FYB2: variants seen among roughly 807,000 people sequenced by gnomAD.
FYB2 encodes the protein FYN-binding protein 2.
In FYB2, 103 loss-of-function variants were observed where a neutral mutation model predicts 94.1. That is an observed-to-expected ratio of 1.09 (90% confidence interval 0.93 to 1.29). The LOEUF is 1.29. Among genes scored for constraint, FYB2 ranks in the 50% most tolerant of loss-of-function variants. FYB2 has a pLI of 0.00. For synonymous variants in FYB2, 293 were observed against 287.9 expected (o/e 1.02, Z -0.18); for missense variants, 896 against 841.5 (o/e 1.06, Z -0.80).
chr1:56,750,090 A>T (rs1251745729), intron 9 of FYB2, among the ~76,000 whole-genome samples: 14 of 152,142 alleles, frequency 9.2e-5, no homozygotes, highest in African/African-American at 3.4e-4. Flanking sequence ...CAGAAAAAAA[A>T]TACCAAATGG....
intron 1 of FYB2, among the ~76,000 whole-genome samples, chr1:56,798,081 C>A (rs1221688370): frequency 6.6e-6 from 1 of 152,088 alleles, no homozygotes; most frequent in Non-Finnish European, 1.5e-5. Flanking sequence ...CAGAAGTGAC[C>A]CACGAAATCC....
intron 1 of FYB2, among the ~76,000 whole-genome samples, chr1:56,818,974 G>A (rs184766996): frequency 6.6e-6 from 1 of 152,284 alleles, no homozygotes; most frequent in Admixed American, 6.5e-5. Flanking sequence ...GCGCTTCAAC[G>A]GAGGATCTGG....
At chr1:56,749,866 C>T (rs1005040361) in intron 9 of FYB2, among the ~76,000 whole-genome samples, 24 of 152,102 alleles carry the variant, frequency 1.6e-4, no homozygotes, top group Admixed American at 6.6e-4. Flanking sequence ...TGGTTACTGC[C>T]GGCCTGTGGG....
chr1:56,726,481 G>A lies in FYB2; in HGVS notation c.1880+16C>T, dbSNP rs201017181. The A allele has an allele frequency of 1.9e-6, 3 of 1,605,888 alleles. No individual in the cohort carries two copies. The highest frequency in any genetic ancestry group is 8.5e-7 in the Non-Finnish European group (1 of 1,175,188). ...GCAGCAGATAAGCTATAATAGAAGT[G>A]CCTCTGTGTTCCCACCTTTCTGATT... is the stretch of plus-strand genomic sequence containing the variant. On this transcript the variant is annotated intron_variant, in intron 16 of 19. Coordinates refer to ENST00000343433, the MANE Select transcript of FYB2 (RefSeq NM_001004303.5).
chr1:56,791,208 CGTTTT>C (rs1646255882), intron 2 of FYB2, among the ~76,000 whole-genome samples: 1 of 151,656 alleles, frequency 6.6e-6, no homozygotes, highest in South Asian at 2.1e-4. Flanking sequence ...TTCAATCTGG[CGTTTT>C]TCTTCTAGGT....
intron 5 of FYB2, among the ~76,000 whole-genome samples, chr1:56,766,248 G>A (rs1452497830): frequency 2.0e-5 from 3 of 152,098 alleles, no homozygotes; most frequent in African/African-American, 7.2e-5. Context: ...AAATTGAGAA[G>A]CCCTGCTCTA....
intron 9 of FYB2, among the ~76,000 whole-genome samples, chr1:56,746,896 G>A (rs754015917): frequency 5.9e-5 from 9 of 151,966 alleles, no homozygotes; most frequent in Non-Finnish European, 1.2e-4. Flanking sequence ...GGTTGTCCCA[G>A]CTTACAATCT....
intron 9 of FYB2, among the ~76,000 whole-genome samples, chr1:56,750,720 T>C (rs1328713014): frequency 6.6e-6 from 1 of 151,978 alleles, no homozygotes; most frequent in Non-Finnish European, 1.5e-5. Context: ...TCATATAATA[T>C]ACTGTCAGAT....
At chr1:56,817,961 G>T (rs753574147) in intron 1 of FYB2, among the ~76,000 whole-genome samples, 1 of 152,160 alleles carries the variant, frequency 6.6e-6, no homozygotes, top group Non-Finnish European at 1.5e-5. Flanking sequence ...TGATAACATT[G>T]TCAGTTACCT....
chr1:56,768,190 A>G (rs1305919664), intron 4 of FYB2, among the ~76,000 whole-genome samples: 2 of 152,218 alleles, frequency 1.3e-5, no homozygotes, highest in African/African-American at 4.8e-5. Flanking sequence ...GGTGCCAGAC[A>G]TACAGAGGAA....
intron 5 of FYB2, among the ~76,000 whole-genome samples, chr1:56,759,148 T>G (rs917040573): frequency 2.5e-4 from 38 of 152,252 alleles, no homozygotes; most frequent in African/African-American, 8.9e-4. Context: ...CAAAGTGCTC[T>G]GTTCCACAGC....
chr1:56,819,576 A>C, upstream of FYB2: 1 of 560,406 alleles, frequency 1.8e-6, no homozygotes. Context: ...ACCTCTTCTC[A>C]GCAAGCGGCT....
chr1:56,817,684 C>T (rs1439994638), intron 1 of FYB2, among the ~76,000 whole-genome samples: 1 of 152,028 alleles, frequency 6.6e-6, no homozygotes, highest in Non-Finnish European at 1.5e-5. Flanking sequence ...GAAACCAATC[C>T]TTCTTTCAAG....
intron 7 of FYB2, among the ~76,000 whole-genome samples, chr1:56,754,292 C>A (rs1282536133): frequency 6.6e-6 from 1 of 151,980 alleles, no homozygotes; most frequent in African/African-American, 2.4e-5. Flanking sequence ...ATTCCTCAAA[C>A]CCACCACCCT....
At chr1:56,720,576 A>G (rs1644466582) in intron 17 of FYB2, 1 of 290,604 alleles carries the variant, frequency 3.4e-6, no homozygotes, top group African/African-American at 2.2e-5. Context: ...TGTTTTCACA[A>G]CCATTATTAT....
intron 1 of FYB2, among the ~76,000 whole-genome samples, chr1:56,817,849 G>A (rs1477154060): frequency 1.3e-4 from 20 of 152,232 alleles, no homozygotes; most frequent in African/African-American, 4.6e-4. Flanking sequence ...TCTTCCTGCT[G>A]TCCTATTGTA....
At chr1:56,741,891 G>A (rs1644962159) in intron 12 of FYB2, among the ~76,000 whole-genome samples, 1 of 151,630 alleles carries the variant, frequency 6.6e-6, no homozygotes, top group African/African-American at 2.4e-5. Flanking sequence ...ATTTACTCTG[G>A]GAAATGGGTA....
intron 5 of FYB2, among the ~76,000 whole-genome samples, chr1:56,760,594 A>G (rs1645468818): frequency 6.6e-6 from 1 of 152,074 alleles, no homozygotes; most frequent in Non-Finnish European, 1.5e-5. Flanking sequence ...AAAAATAATA[A>G]TCTCCTCCTT....
intron 15 of FYB2, among the ~76,000 whole-genome samples, chr1:56,727,763 G>A (rs1007807691): frequency 4.6e-5 from 7 of 152,042 alleles, no homozygotes; most frequent in African/African-American, 9.7e-5. Flanking sequence ...TTCTTAAGTC[G>A]AATGATAGGT....
Sources: allele counts gnomAD v4.1 joint callset (sites outside exome capture counted in the v4.1 genomes callset), GRCh38; gene constraint gnomAD v4.1.1; transcripts MANE v1.5; gene names NCBI Gene and HGNC (gene_info 2026-07-23, HGNC 2026-07-21).